The following NIBAN3 variants were observed in gnomAD, a reference collection of about 807,000 sequenced individuals.
NIBAN3 encodes the protein niban apoptosis regulator 3, also known as protein Niban 3.
In NIBAN3, 66 loss-of-function variants were observed where a neutral mutation model predicts 76.4. That is an observed-to-expected ratio of 0.86 (90% CI 0.71 to 1.06). The LOEUF (loss-of-function observed/expected upper bound fraction) is 1.06. Ranked by LOEUF, NIBAN3 falls within the 50% of genes least tolerant of loss-of-function variation. The probability of loss-of-function intolerance (pLI) is 0.00; values close to 1 mark genes in which losing one functional copy is unlikely to be tolerated. For synonymous variants in NIBAN3, 360 were observed against 355.2 expected, an observed-to-expected ratio of 1.01 and a Z score of -0.15; for missense variants, 808 against 810.7, an observed-to-expected ratio of 1.00 and a Z score of 0.04.
chr19:17,553,782 G>A (rs372956480), downstream of NIBAN3: 6 of 520,962 alleles, frequency 1.2e-5, no homozygotes, highest in African/African-American at 1.1e-4. Context: ...TTCCAGATGG[G>A]ATGGGATGTA....
intron 1 of NIBAN3, among the ~76,000 whole-genome samples, chr19:17,527,760 A>T (rs909211864): frequency 1.3e-5 from 2 of 151,254 alleles, no homozygotes; most frequent in African/African-American, 4.9e-5. Context: ...GGGTGTCCCT[A>T]TGTTGGCCAG....
chr19:17,530,522 A>T (rs1328480905), intron 1 of NIBAN3, among the ~76,000 whole-genome samples: 1 of 127,268 alleles, frequency 7.9e-6, no homozygotes, highest in Non-Finnish European at 1.6e-5. Flanking sequence ...ACGGAGCAAG[A>T]CTCCATCTCA....
Position 17,543,574 on chromosome 19 carries a change from G to C in NIBAN3, c.1497G>C (p.Trp499Cys), listed in dbSNP as rs746933297. Residue 499 changes from tryptophan to cysteine, a missense_variant, in exon 12 of 15, where the codon TGG (tryptophan) becomes TGC (cysteine). Physicochemically the swap from Trp to Cys is radical, Grantham distance 215. Coordinates refer to ENST00000599164, the MANE Select transcript of NIBAN3 (RefSeq NM_001321827.2). Reference sequence around the variant, plus strand: ...CGCAGAGGAGGTTCATCCGAGGCTGGGGTCTCTGCATCTTTTTACCTTTTG... The same window carrying C: ...CGCAGAGGAGGTTCATCCGAGGCTGCGGTCTCTGCATCTTTTTACCTTTTG... Reference protein sequence around the residue: ...GLAQRRFIRGWGLCIFLPFVL... With the variant: ...GLAQRRFIRGCGLCIFLPFVL... The C allele has an allele frequency of 1.2e-6, 2 of 1,614,152 alleles. No homozygotes were observed. Among genetic ancestry groups the C allele is most frequent in the East Asian group, 2.2e-5 (1 of 44,886 alleles).
intron 9 of NIBAN3, among the ~76,000 whole-genome samples, chr19:17,540,989 G>C (rs540619931): frequency 1.3e-5 from 2 of 152,146 alleles, no homozygotes; most frequent in Admixed American, 6.5e-5. Flanking sequence ...GCCTGCATTG[G>C]CCTCCCAAAG....
upstream of NIBAN3, among the ~76,000 whole-genome samples, chr19:17,524,027 T>C (rs1022922351): frequency 6.6e-6 from 1 of 152,070 alleles, no homozygotes; most frequent in Non-Finnish European, 1.5e-5. Context: ...TAGTTGGTTC[T>C]ACAGGCACCC....
intron 5 of NIBAN3, among the ~76,000 whole-genome samples, chr19:17,538,190 G>A (rs1301412917): frequency 2.0e-5 from 3 of 152,170 alleles, no homozygotes; most frequent in East Asian, 3.9e-4. Context: ...GCCGAGGCGG[G>A]AGGATCACGA....
In NIBAN3 at chr19:17,542,237, G is replaced by A. The variant is rs375779762; in HGVS notation, c.1272G>A (p.Pro424=). 6.0e-5 allele frequency: 97 copies of A among 1,609,106 alleles called. 2 individuals are homozygous for A. The highest frequency in any genetic ancestry group is 5.6e-4 in the South Asian group (51 of 90,798). The part of the protein sequence containing the change: ...SRGRLGQLAA[P]FGFLGMQSLV... ...GGCGCTTGGGGCAGCTGGCAGCACC[G>A]TTTGGCTTTCTGGGGATGCAGAGCC... Residue 424 remains proline (P), a synonymous_variant, in exon 10 of 15, where the codon CCG becomes CCA. Transcript: ENST00000599164. This position sits in a 1 kb window ranked among gnomAD's most constrained non-coding sequence, Gnocchi z 4.8.
chr19:17,553,183 T>G lies in NIBAN3; in HGVS notation c.*1285T>G. On this transcript the variant is annotated 3_prime_UTR_variant, in exon 15 of 15. Coordinates refer to ENST00000599164, the MANE Select transcript of NIBAN3 (RefSeq NM_001321827.2). ...ATAGCTTTTTTCTACTTTTCAGGAG[T>G]GTTTGCATTTTTCTTATTGATATCT... The G allele has an allele frequency of 7.3e-7, 1 of 1,377,706 alleles. No individual in the cohort carries two copies. Among genetic ancestry groups the G allele is most frequent in the Non-Finnish European group, 9.8e-7 (1 of 1,024,928 alleles). The allele number at this position is 1,377,706 out of a possible 1,614,324, so 85.3% of individuals were successfully genotyped here.
chr19:17,551,438 G>A (rs1024182250), intron 14 of NIBAN3, among the ~76,000 whole-genome samples: 1 of 149,660 alleles, frequency 6.7e-6, no homozygotes, highest in African/African-American at 2.5e-5. Context: ...ATGGAGTTTC[G>A]CTCTTGTCAC....
At chr19:17,539,853 A>T in intron 8 of NIBAN3, 88 bp downstream of exon 8, 1 of 854,678 alleles carries the variant, frequency 1.2e-6, no homozygotes, top group Non-Finnish European at 1.6e-6. Context: ...ATGGGCTTGA[A>T]GTTATGTAAA....
At chr19:17,534,351 C>T (rs1021403195) in intron 4 of NIBAN3, among the ~76,000 whole-genome samples, 2 of 152,042 alleles carry the variant, frequency 1.3e-5, no homozygotes, top group Admixed American at 6.6e-5. Context: ...CTCGTCTCTA[C>T]TAAAAATACA....
Position 17,538,111 on chromosome 19 carries a change from G to A in NIBAN3, c.595+568G>A, listed in dbSNP as rs73022406. Among the ~76,000 whole-genome samples, 293 of 151,970 alleles carry A rather than the reference G, an allele frequency of 1.9e-3. 3 individuals are homozygous for A. The highest frequency in any genetic ancestry group is 4.7e-3 in the Admixed American group (72 of 15,236). Reference sequence around the variant, plus strand: ...GCTTCCCAGATGAGGGGAAGCTGGGGTCTGTAAAAGATGAAGGACTAGCCG... The same window carrying A: ...GCTTCCCAGATGAGGGGAAGCTGGGATCTGTAAAAGATGAAGGACTAGCCG... On this transcript the variant is annotated intron_variant, in intron 5 of 14. Transcript: ENST00000599164.
At position 17,533,697 on chromosome 19, in the gene NIBAN3, C is replaced by T; in HGVS notation, c.423C>T (p.Ser141=). ...TTTTGGATGCTCTCTGCCCTGAATC[C>T]TTGGGTAAGGGTCCCGGGGTTCCCA... ...LRLLDALCPE[S]LGDHTQEEPD... is the part of the protein sequence containing the mutation. The change falls in exon 4 of 15, where the codon TCC becomes TCT. Residue 141 remains serine, a synonymous_variant. Transcript: ENST00000599164. The T allele has an allele frequency of 6.2e-7, 1 of 1,612,338 alleles. No homozygotes were observed. The highest frequency in any genetic ancestry group is 8.5e-7 in the Non-Finnish European group (1 of 1,178,662).
rs752041312 is a variant in NIBAN3 at position 17,539,732 on chromosome 19, C to G, written c.946C>G (p.Arg316Gly). ...CCGCCCGGACGTGGACCAGCTGCTG[C>G]GGCAGCGGGCGCGTGTGGCGGGGCG... ...TIRPDVDQLL[R>G]QRARVAGRLR... The change falls in exon 8 of 15, where the codon CGG becomes GGG. Residue 316 changes from arginine to glycine, a missense_variant. Physicochemically the swap from Arg to Gly is moderately radical, Grantham distance 125. Transcript: ENST00000599164. The G allele has an allele frequency of 7.1e-6, 11 of 1,540,736 alleles. No individual in the cohort carries two copies. The highest frequency in any genetic ancestry group is 9.6e-6 in the Non-Finnish European group (11 of 1,144,948).
chr19:17,525,539 G>T (rs1217417441), upstream of NIBAN3, among the ~76,000 whole-genome samples: 1 of 152,140 alleles, frequency 6.6e-6, no homozygotes, highest in Non-Finnish European at 1.5e-5. Flanking sequence ...CCAAGGGGCT[G>T]GTATCTGGTC....
rs751685692 is a variant in NIBAN3 at position 17,534,790 on chromosome 19, CAAAA to C, written c.427+1103_427+1106del. ...AGGGTGACAGAGCAAGACTCCATCTCAAAAAAAAAAAAAAAAAGAAAAGAAAAGA... is the reference window on the plus strand; with the variant it reads ...AGGGTGACAGAGCAAGACTCCATCTCAAAAAAAAAAAAAGAAAAGAAAAGA... On this transcript the variant is annotated intron_variant, in intron 4 of 14. Transcript: ENST00000599164. Among the ~76,000 whole-genome samples, 170 of 75,788 alleles carry C rather than the reference CAAAA, an allele frequency of 2.2e-3. 1 individual carries two copies. Among genetic ancestry groups the C allele is most frequent in the African/African-American group, 6.0e-3 (163 of 27,118 alleles). 49.7% of individuals were successfully genotyped at this position (75,788 alleles called of 152,430 possible). A position where few individuals can be genotyped will look rare whatever the true frequency, so the allele number is the denominator to read the frequency against.
Position 17,553,160 on chromosome 19 carries a change from A to T in NIBAN3, c.*1262A>T. 8.6e-7 allele frequency: 1 copy of T among 1,162,274 alleles called. No individual in the cohort carries two copies. The allele number at this position is 1,162,274 out of a possible 1,614,324, so 72.0% of individuals were successfully genotyped here. On this transcript the variant is annotated 3_prime_UTR_variant, in exon 15 of 15. Coordinates refer to ENST00000599164, the MANE Select transcript of NIBAN3 (RefSeq NM_001321827.2). Reference sequence around the variant, plus strand: ...TAATTTCAGTGAATTGCCTGTTCATAGCTTTTTTCTACTTTTCAGGAGTGT... The same window carrying T: ...TAATTTCAGTGAATTGCCTGTTCATTGCTTTTTTCTACTTTTCAGGAGTGT...
At chr19:17,535,135 T>C (rs1333302116) in intron 4 of NIBAN3, among the ~76,000 whole-genome samples, 2 of 152,204 alleles carry the variant, frequency 1.3e-5, no homozygotes, top group African/African-American at 4.8e-5. Flanking sequence ...TATTATGGCC[T>C]GGCCCTTGGT....
At position 17,530,742 on chromosome 19, in the gene NIBAN3, C is replaced by CT; in HGVS notation, c.56-11dup. 6.2e-7 allele frequency: 1 copy of CT among 1,601,214 alleles called. No individual in the cohort carries two copies. The highest frequency in any genetic ancestry group is 8.5e-7 in the Non-Finnish European group (1 of 1,171,638). ...TTCAATTTGCTGGGTTCACTGTCCC[C>CT]TTGTCCCTGCAGGTCAGGTGGACAC... On this transcript the variant is annotated splice_polypyrimidine_tract_variant and intron_variant, in intron 1 of 14. Transcript: ENST00000599164.
Sources: gnomAD v4.1 joint callset for allele counts (sites outside exome capture counted in the v4.1 genomes callset) on GRCh38, gnomAD v4.1.1 for gene constraint, Gnocchi (gnomAD v3.1) non-coding constraint, MANE v1.5 for transcripts, NCBI Gene and HGNC (gene_info 2026-07-23, HGNC 2026-07-21) for gene names.